RAD51B: variants seen among roughly 807,000 people sequenced by gnomAD.
RAD51B encodes DNA repair protein RAD51 homolog 2.
RAD51B carries 38 observed loss-of-function variants against 42.2 expected under a neutral mutation model. The observed-to-expected ratio is 0.90, with a 90% CI of 0.70 to 1.18. The LOEUF (loss-of-function observed/expected upper bound fraction) is 1.18, where lower values mean the gene tolerates loss of function less well. Ranked by LOEUF, RAD51B falls within the 50% of genes most tolerant of loss-of-function variation. The pLI is 0.00. For missense variants in RAD51B, 373 were observed against 400.7 expected (o/e 0.93, Z 0.59); for synonymous variants, 154 against 145.2 (o/e 1.06, Z -0.43).
At position 68,620,906 on chromosome 14, in the gene RAD51B, C is replaced by T. The variant is rs377054687; in HGVS notation, c.1037-29875C>T. Reference sequence around the variant, plus strand: ...GATGGAATATTGGCTGATACAGGAGCCAGGGGGTTTTCATCAGGCTGTTTT... The same window carrying T: ...GATGGAATATTGGCTGATACAGGAGTCAGGGGGTTTTCATCAGGCTGTTTT... On this transcript the variant is annotated intron_variant, in intron 10 of 11. Coordinates refer to the RAD51B transcript ENST00000488612. Among the ~76,000 whole-genome samples, 7 of 152,236 alleles carry T rather than the reference C, an allele frequency of 4.6e-5. 1 individual carries two copies. Among genetic ancestry groups the T allele is most frequent in the African/African-American group, 1.7e-4 (7 of 41,546 alleles).
chr14:68,062,853 C>G (rs1393946110), intron 7 of RAD51B, among the ~76,000 whole-genome samples: 1 of 150,298 alleles, frequency 6.7e-6, no homozygotes, highest in African/African-American at 2.5e-5. Context: ...AAGAATTCAG[C>G]CTTGAAGCCA....
intron 10 of RAD51B, among the ~76,000 whole-genome samples, chr14:68,517,796 G>A (rs1049899704): frequency 2.6e-5 from 4 of 152,208 alleles, no homozygotes; most frequent in Admixed American, 6.5e-5. Flanking sequence ...ATTTAAGGGA[G>A]ATATTTTTAT....
intron 11 of RAD51B, among the ~76,000 whole-genome samples, chr14:68,669,276 C>T (rs374545057): frequency 5.3e-5 from 8 of 152,224 alleles, no homozygotes; most frequent in Non-Finnish European, 1.2e-4. Flanking sequence ...ACAGACTGAA[C>T]TTTACATAGG....
At chr14:68,423,035 A>G (rs1436896942) in intron 9 of RAD51B, among the ~76,000 whole-genome samples, 1 of 152,134 alleles carries the variant, frequency 6.6e-6, no homozygotes, top group Non-Finnish European at 1.5e-5. Context: ...TCAGACAAAG[A>G]CTGTGTGTGC....
intron 7 of RAD51B, among the ~76,000 whole-genome samples, chr14:68,083,964 A>G (rs1230294523): frequency 1.3e-5 from 2 of 152,206 alleles, no homozygotes; most frequent in Non-Finnish European, 2.9e-5. Context: ...TGAGAAAGAA[A>G]CAATCTTTTT....
chr14:68,463,530 C>T (rs2085898844), intron 9 of RAD51B, among the ~76,000 whole-genome samples: 1 of 151,950 alleles, frequency 6.6e-6, no homozygotes, highest in Non-Finnish European at 1.5e-5. Context: ...GGTTAGAAAA[C>T]TCATAGTGAA....
chr14:67,958,965 C>T (rs1033887693), intron 7 of RAD51B, among the ~76,000 whole-genome samples: 14 of 152,052 alleles, frequency 9.2e-5, no homozygotes, highest in Non-Finnish European at 1.3e-4. Context: ...TTCTCTAGAT[C>T]GATCATGAAT....
At chr14:68,345,933 C>T (rs549730295) in intron 8 of RAD51B, among the ~76,000 whole-genome samples, 3 of 152,262 alleles carry the variant, frequency 2.0e-5, no homozygotes, top group South Asian at 4.1e-4. Flanking sequence ...GTGCATGAGG[C>T]GTGAGCCACT....
At chr14:68,056,774 T>C (rs1455266532) in intron 7 of RAD51B, among the ~76,000 whole-genome samples, 1 of 150,984 alleles carries the variant, frequency 6.6e-6, no homozygotes, top group Non-Finnish European at 1.5e-5. Context: ...ATAAAAATAA[T>C]AAATAAAATA....
chr14:68,111,612 C>T (rs2140586318), intron 7 of RAD51B, among the ~76,000 whole-genome samples: 1 of 152,158 alleles, frequency 6.6e-6, no homozygotes, highest in South Asian at 2.1e-4. Flanking sequence ...ACAATACCAT[C>T]CTACGTACTT....
Position 68,327,619 on chromosome 14 carries a change from A to G in RAD51B, c.853+35639A>G, listed in dbSNP as rs182574332. Among the ~76,000 whole-genome samples the G allele has an allele frequency of 5.4e-3, 815 of 152,184 alleles. 1 individual carries two copies. The highest frequency in any genetic ancestry group is 8.3e-3 in the Non-Finnish European group (561 of 67,992). ...GAGGTTATTTTTATTTCTTACAAAT[A>G]TTTTTATAATTAACTTAAGATTCAA... is the stretch of plus-strand genomic sequence containing the variant. On this transcript the variant is annotated intron_variant, in intron 8 of 10. Transcript: ENST00000471583.
intron 8 of RAD51B, among the ~76,000 whole-genome samples, chr14:68,301,867 G>C (rs1174652526): frequency 6.6e-6 from 1 of 152,202 alleles, no homozygotes; most frequent in Non-Finnish European, 1.5e-5. Flanking sequence ...AAATTGGTGG[G>C]ATTACAGGAG....
At chr14:68,137,504 A>G (rs1343125368) in intron 7 of RAD51B, among the ~76,000 whole-genome samples, 1 of 152,200 alleles carries the variant, frequency 6.6e-6, no homozygotes, top group African/African-American at 2.4e-5. Context: ...TACCATCATT[A>G]TCTTTAATAG....
intron 5 of RAD51B, among the ~76,000 whole-genome samples, chr14:67,876,836 C>T (rs2042744795): frequency 6.6e-6 from 1 of 152,094 alleles, no homozygotes; most frequent in South Asian, 2.1e-4. Context: ...TACCTCAGGA[C>T]ATCTCCACTA....
At chr14:68,156,219 T>C (rs1401966924) in intron 7 of RAD51B, among the ~76,000 whole-genome samples, 2 of 152,236 alleles carry the variant, frequency 1.3e-5, no homozygotes, top group Non-Finnish European at 2.9e-5. Flanking sequence ...TTTTTTTGTG[T>C]GTGCATGCGC....
At chr14:67,961,119 A>G (rs2074656554) in intron 7 of RAD51B, among the ~76,000 whole-genome samples, 1 of 151,780 alleles carries the variant, frequency 6.6e-6, no homozygotes, top group Non-Finnish European at 1.5e-5. Flanking sequence ...TGATTCTCCC[A>G]CCTCAACCTC....
chr14:68,151,019 T>C (rs1047422331), intron 7 of RAD51B, among the ~76,000 whole-genome samples: 4 of 152,084 alleles, frequency 2.6e-5, no homozygotes, highest in Non-Finnish European at 5.9e-5. Flanking sequence ...TCCTGTGATC[T>C]TTCCTTTGTA....
chr14:68,111,232 A>C lies in RAD51B; in HGVS notation c.757-180652A>C, dbSNP rs34118715. Among the ~76,000 whole-genome samples the C allele has an allele frequency of 1.0e-3, 156 of 152,174 alleles. 2 individuals carry two copies. The highest frequency in any genetic ancestry group is 2.6e-3 in the Admixed American group (39 of 15,260). ...ATTATTAAATTCTTTTATTGTCGCC[A>C]GGAAACTAGAGAAAATGAATTCTTC... On this transcript the variant is annotated intron_variant, in intron 7 of 10. Coordinates refer to ENST00000471583, the MANE Select transcript of RAD51B (RefSeq NM_133510.4).
intron 8 of RAD51B, among the ~76,000 whole-genome samples, chr14:68,399,170 T>G (rs1023839955): frequency 2.0e-5 from 3 of 152,044 alleles, no homozygotes; most frequent in African/African-American, 7.2e-5. Context: ...CTAATTTTTT[T>G]GGGGGGGAAG....
Sources: gnomAD v4.1 joint callset for allele counts (sites outside exome capture counted in the v4.1 genomes callset) on GRCh38, gnomAD v4.1.1 for gene constraint, MANE v1.5 for transcripts, NCBI Gene and HGNC (gene_info 2026-07-23, HGNC 2026-07-21) for gene names.